The following MPV17 variants were observed in gnomAD, a reference collection of about 807,000 sequenced individuals.
The protein encoded by MPV17 is MPV17, mitochondrial inner membrane protein.
Under a neutral mutation model 28.6 loss-of-function variants are expected in MPV17, and 31 were observed. That is an observed-to-expected ratio of 1.08 (90% CI 0.81 to 1.46). MPV17 has a LOEUF of 1.46. Ranked by LOEUF, MPV17 falls within the 40% of genes most tolerant of loss-of-function variation. The pLI, the probability that MPV17 is intolerant of heterozygous loss-of-function variation, is 0.00. For missense variants in MPV17, 198 were observed against 216.2 expected (o/e 0.92, Z 0.53); for synonymous variants, 87 against 85.3 (o/e 1.02, Z -0.11).
chr2:27,312,825 C>T, intron 3 of MPV17, 53 bp from the exon 4 acceptor site: 12 of 1,581,674 alleles, frequency 7.6e-6, no homozygotes, highest in South Asian at 2.2e-5. Flanking sequence ...CCCTAGGCCT[C>T]TACCTCACTA....
chr2:27,316,243 CACA>C (rs1679646219), intron 2 of MPV17: 31 of 1,542,082 alleles, frequency 2.0e-5, no homozygotes, highest in Admixed American at 1.2e-4. Flanking sequence ...CCAACAGTCA[CACA>C]ACAAGCTAGA....
At chr2:27,313,300 T>C (rs920831200) in intron 2 of MPV17, 191 bp from the exon 3 acceptor site, 3 of 1,315,386 alleles carry the variant, frequency 2.3e-6, no homozygotes, top group African/African-American at 2.9e-5. Flanking sequence ...TGACACCTCA[T>C]GTGTATTCTG....
rs558176802 is a variant in MPV17 at position 27,310,517 on chromosome 2, T to G, written c.462-536A>C. Among the ~76,000 whole-genome samples the G allele has an allele frequency of 7.9e-5, 12 of 152,354 alleles. No homozygotes were observed. In the East Asian group the frequency reaches 2.3e-3, roughly 29 times the overall value. The stretch of plus-strand genomic sequence containing the variant: ...CCTCAAAGGCTAAATATTCAGCGGC[T>G]CTCTTGCCATGCATAGCTCTGTTAA... On this transcript the variant is annotated intron_variant, in intron 7 of 7. Coordinates refer to ENST00000380044, the MANE Select transcript of MPV17 (RefSeq NM_002437.5).
At chr2:27,320,432 G>A (rs1189299655) in intron 2 of MPV17, among the ~76,000 whole-genome samples, 1 of 151,420 alleles carries the variant, frequency 6.6e-6, no homozygotes, top group Admixed American at 6.6e-5. Flanking sequence ...TGCCTCATGG[G>A]TTCAAGTGAT....
rs1679479095 is a variant in MPV17, at chr2:27,312,347, TCCTGCA to T, written c.376-107_376-102del. On this transcript the variant is annotated intron_variant, in intron 5 of 7. Transcript: ENST00000380044. ...ACAGACTTGGGTTCAAAGAGCACAT[TCCTGCA>T]CCATAACCCTCAGCTCCTCTCCTCC... 3.4e-6 allele frequency: 5 copies of T among 1,453,216 alleles called. No individual in the cohort carries two copies. The South Asian group carries it at 4.6e-5, about 13-fold the overall frequency. The allele number at this position is 1,453,216 out of a possible 1,614,324, so 90.0% of individuals were successfully genotyped here. A position where few individuals can be genotyped will look rare whatever the true frequency, so the allele number is the denominator to read the frequency against.
rs754467894 is a variant in MPV17, at chr2:27,313,112, A to G, written c.71-3T>C. On this transcript the variant is annotated splice_region_variant and splice_polypyrimidine_tract_variant and intron_variant, in intron 2 of 7. Transcript: ENST00000380044. ...GTCACCCAGGCCCATCAGGGACCCT[A>G]TGCAGGGTACACAGGTGTTGTCAGG... 4 of 1,614,072 alleles carry G rather than the reference A, an allele frequency of 2.5e-6. No homozygotes were observed. Among genetic ancestry groups the G allele is most frequent in the African/African-American group, 2.7e-5 (2 of 74,928 alleles).
chr2:27,318,963 C>A (rs963268577), intron 2 of MPV17, among the ~76,000 whole-genome samples: 1 of 151,998 alleles, frequency 6.6e-6, no homozygotes, highest in Non-Finnish European at 1.5e-5. Context: ...CGGGGTTTCA[C>A]CATGTTGGCC....
chr2:27,317,177 G>T lies in MPV17; in HGVS notation c.71-4068C>A. The stretch of plus-strand genomic sequence containing the variant: ...CGTGTCCTTCAGTCCAGGAGGCCTG[G>T]GTCGGCAGGTATAGCTACTGGCATG... On this transcript the variant is annotated intron_variant, in intron 2 of 7. Transcript: ENST00000380044. The surrounding 1 kb of genome is among the most constrained non-coding windows in gnomAD (Gnocchi z 4.0). 1.9e-6 allele frequency: 3 copies of T among 1,550,346 alleles called. No homozygotes were observed. The highest frequency in any genetic ancestry group is 2.6e-6 in the Non-Finnish European group (3 of 1,146,930).
chr2:27,313,245 T>A, intron 2 of MPV17, 136 bp from the exon 3 acceptor site: 7 of 1,542,926 alleles, frequency 4.5e-6, no homozygotes, highest in Non-Finnish European at 6.1e-6. Flanking sequence ...AACAAATGAC[T>A]AGTCCCTTCC....
At chr2:27,312,629 C>G in intron 4 of MPV17, 40 bp from the exon 5 acceptor site, 1 of 1,613,168 alleles carries the variant, frequency 6.2e-7, no homozygotes, top group Non-Finnish European at 8.5e-7. Flanking sequence ...TGCTGAAATC[C>G]CCACCTACCC....
intron 2 of MPV17, chr2:27,316,018 G>A: frequency 6.5e-7 from 1 of 1,544,494 alleles, no homozygotes; most frequent in Non-Finnish European, 8.7e-7. Context: ...GCACCAGGAG[G>A]CCCCTGTGGC....
rs796722639 is a variant in MPV17, at chr2:27,309,495, C to T, written c.*417G>A. ...ACTTACTCATTACCACTGCAGATTC[C>T]GGATTACATATTTAATAACATATTT... is the stretch of plus-strand genomic sequence containing the variant. On this transcript the variant is annotated 3_prime_UTR_variant, in exon 8 of 8. Coordinates refer to ENST00000380044, the MANE Select transcript of MPV17 (RefSeq NM_002437.5). 10 of 269,166 alleles carry T rather than the reference C, an allele frequency of 3.7e-5. No homozygotes were observed. Among genetic ancestry groups the T allele is most frequent in the African/African-American group, 1.1e-4 (5 of 46,018 alleles). 16.7% of individuals were successfully genotyped at this position (269,166 alleles called of 1,614,324 possible). A position where few individuals can be genotyped will look rare whatever the true frequency, so the allele number is the denominator to read the frequency against.
chr2:27,310,042 G>A, intron 7 of MPV17, 61 bp from the exon 8 acceptor site: 2 of 1,297,302 alleles, frequency 1.5e-6, no homozygotes, highest in South Asian at 1.2e-5. Context: ...AAGGGCTGGA[G>A]ATGGGAGCAT....
Position 27,317,071 on chromosome 2 carries a change from T to C in MPV17, c.71-3962A>G, listed in dbSNP as rs1197662759. 1.9e-6 allele frequency: 3 copies of C among 1,546,250 alleles called. No homozygotes were observed. The highest frequency in any genetic ancestry group is 2.4e-5 in the East Asian group (1 of 40,864). On this transcript the variant is annotated intron_variant, in intron 2 of 7. Coordinates refer to ENST00000380044, the MANE Select transcript of MPV17 (RefSeq NM_002437.5). The surrounding 1 kb of genome is among the most constrained non-coding windows in gnomAD (Gnocchi z 4.0). ...CCCTACTTCTCCTATTTTGTTCCTCTACTTACTTTTGTGGCTTTTGAGTTT... is the reference window on the plus strand; with the variant it reads ...CCCTACTTCTCCTATTTTGTTCCTCCACTTACTTTTGTGGCTTTTGAGTTT...
Position 27,309,823 on chromosome 2 carries a change from A to T in MPV17, c.*89T>A. 1 of 1,101,032 alleles carries T rather than the reference A, an allele frequency of 9.1e-7. No homozygotes were observed. Among genetic ancestry groups the T allele is most frequent in the African/African-American group, 1.5e-5 (1 of 65,220 alleles). 68.2% of individuals were successfully genotyped at this position (1,101,032 alleles called of 1,614,324 possible). ...CTGACCGGCAACCCAACCCCGTGGA[A>T]ACTGGTATGCCCACTTTGAGGAGGT... On this transcript the variant is annotated 3_prime_UTR_variant, in exon 8 of 8. Coordinates refer to ENST00000380044, the MANE Select transcript of MPV17 (RefSeq NM_002437.5).
intron 2 of MPV17, among the ~76,000 whole-genome samples, chr2:27,321,179 G>A (rs986165843): frequency 2.6e-5 from 4 of 152,226 alleles, no homozygotes; most frequent in African/African-American, 7.2e-5. Context: ...TCTTCCATCT[G>A]GCAGTTATGG....
intron 2 of MPV17, among the ~76,000 whole-genome samples, chr2:27,320,551 G>A (rs1363157737): frequency 3.3e-5 from 5 of 152,084 alleles, no homozygotes; most frequent in Non-Finnish European, 7.3e-5. Context: ...AGCCAGGTTG[G>A]TCTCGATCTC....
intron 2 of MPV17, among the ~76,000 whole-genome samples, chr2:27,320,193 C>T (rs1679804033): frequency 3.3e-5 from 5 of 150,462 alleles, no homozygotes; most frequent in Admixed American, 1.3e-4. Context: ...GTCGAGATCA[C>T]GCCACCGCAC....
intron 2 of MPV17, among the ~76,000 whole-genome samples, chr2:27,319,962 G>A (rs1679796425): frequency 6.6e-6 from 1 of 150,494 alleles, no homozygotes; most frequent in Non-Finnish European, 1.5e-5. Context: ...AAAAGGCTGA[G>A]CTCAGTGGCT....
Sources: gnomAD v4.1 joint callset for allele counts (sites outside exome capture counted in the v4.1 genomes callset) on GRCh38, gnomAD v4.1.1 for gene constraint, Gnocchi (gnomAD v3.1) non-coding constraint, MANE v1.5 for transcripts, NCBI Gene and HGNC (gene_info 2026-07-23, HGNC 2026-07-21) for gene names.